Variants in DRD3 observed in about 807,000 individuals in gnomAD.
DRD3 encodes dopamine receptor D3.
Under a neutral mutation model 36.3 loss-of-function variants are expected in DRD3, and 19 were observed. The ratio of observed to expected loss-of-function variants is 0.52; its 90% CI spans 0.36 to 0.77. The LOEUF (loss-of-function observed/expected upper bound fraction) is 0.77. DRD3 is among the 30% of genes least tolerant of loss of function. The probability of loss-of-function intolerance (pLI) is 0.00; values close to 1 mark genes in which losing one functional copy is unlikely to be tolerated. For synonymous variants in DRD3, 195 were observed against 203.7 expected, an observed-to-expected ratio of 0.96 and a Z score of 0.36; for missense variants, 465 against 505.3, an observed-to-expected ratio of 0.92 and a Z score of 0.77.
At chr3:114,188,030 A>G (rs2077984849) in intron 1 of DRD3, among the ~76,000 whole-genome samples, 1 of 152,050 alleles carries the variant, frequency 6.6e-6, no homozygotes, top group Non-Finnish European at 1.5e-5. Context: ...TCCCCTCTCC[A>G]TATAGGTATC....
chr3:114,168,019 G>C (rs2077802543), intron 2 of DRD3, among the ~76,000 whole-genome samples: 1 of 152,206 alleles, frequency 6.6e-6, no homozygotes. Flanking sequence ...TGCCCTGATG[G>C]AACTGTGCCT....
intron 1 of DRD3, among the ~76,000 whole-genome samples, chr3:114,174,065 C>T (rs1408266277): frequency 6.6e-6 from 1 of 152,062 alleles, no homozygotes; most frequent in African/African-American, 2.4e-5. Context: ...AAAAATTGTC[C>T]TTTATCTTGG....
At chr3:114,147,683 G>T in intron 3 of DRD3, 126 bp from the exon 4 acceptor site, 1 of 1,160,412 alleles carries the variant, frequency 8.6e-7, no homozygotes, top group Non-Finnish European at 1.2e-6. Context: ...GAAGTGCAGT[G>T]GCATGATTAC....
chr3:114,137,228 G>A (rs1465191874), intron 5 of DRD3, among the ~76,000 whole-genome samples: 3 of 152,152 alleles, frequency 2.0e-5, no homozygotes, highest in Non-Finnish European at 4.4e-5. Flanking sequence ...GATCAGACAT[G>A]GCCCACTTAC....
At chr3:114,152,154 T>C (rs61225619) in intron 3 of DRD3, among the ~76,000 whole-genome samples, 2,045 of 152,298 alleles carry the variant, frequency 0.013, 54 homozygotes, top group African/African-American at 0.047. Flanking sequence ...GAGATCCTGG[T>C]GCACCCATCA....
chr3:114,192,437 A>T (rs1201720101), intron 1 of DRD3, among the ~76,000 whole-genome samples: 2 of 152,144 alleles, frequency 1.3e-5, no homozygotes, highest in African/African-American at 4.8e-5. Flanking sequence ...TAGGGTCTGT[A>T]TAGTCAATTT....
At chr3:114,167,535 T>C (rs1428931256) in intron 2 of DRD3, among the ~76,000 whole-genome samples, 1 of 152,214 alleles carries the variant, frequency 6.6e-6, no homozygotes, top group Non-Finnish European at 1.5e-5. Context: ...TTGGTTTTTG[T>C]CCTGAACTTA....
intron 5 of DRD3, among the ~76,000 whole-genome samples, chr3:114,135,133 G>A (rs1406305898): frequency 1.3e-5 from 2 of 151,634 alleles, no homozygotes; most frequent in African/African-American, 2.4e-5. Flanking sequence ...CTATTTTCAC[G>A]ATAACCACTT....
upstream of DRD3, among the ~76,000 whole-genome samples, chr3:114,183,593 AT>A (rs1203069997): frequency 1.6e-4 from 24 of 152,034 alleles, no homozygotes; most frequent in African/African-American, 5.8e-4. Context: ...TGCTTCATGT[AT>A]TTTGATCGTC....
chr3:114,160,705 T>C (rs974354632), intron 2 of DRD3, among the ~76,000 whole-genome samples: 1 of 152,242 alleles, frequency 6.6e-6, no homozygotes, highest in Non-Finnish European at 1.5e-5. Flanking sequence ...GGCTTCAGCT[T>C]GTAAAGCTTG....
intron 3 of DRD3, among the ~76,000 whole-genome samples, chr3:114,157,002 C>T (rs1289538355): frequency 6.9e-6 from 1 of 143,888 alleles, no homozygotes; most frequent in Non-Finnish European, 1.5e-5. Context: ...CTTTCTCTCT[C>T]TCTCTCTCTT....
intron 3 of DRD3, among the ~76,000 whole-genome samples, chr3:114,150,944 G>A (rs962119095): frequency 1.1e-4 from 17 of 152,186 alleles, no homozygotes; most frequent in Non-Finnish European, 2.5e-4. Flanking sequence ...AAACTGTGCA[G>A]GACTTGGCCT....
chr3:114,187,322 G>A (rs2077981001), intron 1 of DRD3, among the ~76,000 whole-genome samples: 1 of 152,210 alleles, frequency 6.6e-6, no homozygotes, highest in Non-Finnish European at 1.5e-5. Context: ...CTGCCCTAGA[G>A]CACAAAGGAG....
chr3:114,136,485 G>C (rs577966921), intron 5 of DRD3, among the ~76,000 whole-genome samples: 1 of 152,194 alleles, frequency 6.6e-6, no homozygotes, highest in African/African-American at 2.4e-5. Context: ...CCACACTCTT[G>C]GAAATGCCAG....
intron 5 of DRD3, 124 bp downstream of exon 5, chr3:114,139,376 C>G (rs1281236662): frequency 9.4e-6 from 9 of 955,934 alleles, no homozygotes; most frequent in Admixed American, 4.8e-5. Flanking sequence ...TAGCAGATTC[C>G]AAAGTCGGTG....
At chr3:114,196,996 T>TA (rs1192627094) in intron 1 of DRD3, among the ~76,000 whole-genome samples, 1 of 151,072 alleles carries the variant, frequency 6.6e-6, no homozygotes, top group Admixed American at 6.6e-5. Flanking sequence ...CTTTTTTTTT[T>TA]ATTATACTTT....
At chr3:114,177,996 G>T (rs1436117851) in intron 1 of DRD3, among the ~76,000 whole-genome samples, 2 of 151,936 alleles carry the variant, frequency 1.3e-5, no homozygotes, top group Non-Finnish European at 2.9e-5. Flanking sequence ...GTATTTTGAT[G>T]GTATTCAATT....
rs2078001846 is a variant in DRD3 at position 114,190,442 on chromosome 3, AT to A, written c.-156+8830del. On this transcript the variant is annotated intron_variant, in intron 1 of 7. Coordinates refer to the DRD3 transcript ENST00000460779. ...TATATATATATATATATATATATAT[AT>A]ATATATATATATATATATATTTTTT... Among the ~76,000 whole-genome samples the A allele has an allele frequency of 5.6e-4, 6 of 10,672 alleles. 1 individual carries two copies. The highest frequency in any genetic ancestry group is 1.9e-3 in the African/African-American group (4 of 2,068). 7.0% of individuals were successfully genotyped at this position (10,672 alleles called of 152,430 possible).
intron 3 of DRD3, 130 bp downstream of exon 3, chr3:114,159,625 A>C: frequency 1.4e-6 from 1 of 700,394 alleles, no homozygotes; most frequent in Non-Finnish European, 2.4e-6. Context: ...TTTAAAAGAA[A>C]AAGAGAGGAA....
Sources: gnomAD v4.1 joint callset for allele counts (sites outside exome capture counted in the v4.1 genomes callset) on GRCh38, gnomAD v4.1.1 for gene constraint, MANE v1.5 for transcripts, NCBI Gene and HGNC (gene_info 2026-07-23, HGNC 2026-07-21) for gene names.